Variants in ROBO1 observed in about 807,000 individuals in gnomAD.
The protein encoded by ROBO1 is roundabout guidance receptor 1.
ROBO1 carries 149 observed loss-of-function variants against 195.9 expected under a neutral mutation model. That is an observed-to-expected ratio of 0.76 (90% CI 0.67 to 0.87). ROBO1 has a LOEUF of 0.87. ROBO1 is among the 40% of genes least tolerant of loss of function. The pLI, the probability that ROBO1 is intolerant of heterozygous loss-of-function variation, is 0.00. For missense variants in ROBO1, 1,933 were observed against 2,068.3 expected (o/e 0.93, Z 1.27); for synonymous variants, 816 against 733.2 (o/e 1.11, Z -1.82).
intron 4 of ROBO1, among the ~76,000 whole-genome samples, chr3:78,775,986 C>T (rs1576141615): frequency 1.3e-5 from 2 of 152,196 alleles, no homozygotes; most frequent in East Asian, 3.9e-4. Flanking sequence ...ATGCATAGTT[C>T]TGTCCTTCTA....
intron 2 of ROBO1, among the ~76,000 whole-genome samples, chr3:79,467,918 A>G (rs750721604): frequency 3.9e-5 from 6 of 152,162 alleles, no homozygotes; most frequent in Non-Finnish European, 8.8e-5. Flanking sequence ...AGATGAACAG[A>G]TGAGTCACAC....
intron 4 of ROBO1, among the ~76,000 whole-genome samples, chr3:78,848,152 AGTTCAAACTG>A (rs2033792788): frequency 6.6e-6 from 1 of 152,192 alleles, no homozygotes; most frequent in South Asian, 2.1e-4. Flanking sequence ...GAAATATGTT[AGTTCAAACTG>A]GCCTATTAGC....
At chr3:79,030,010 G>A (rs988856036) in intron 3 of ROBO1, among the ~76,000 whole-genome samples, 2 of 152,176 alleles carry the variant, frequency 1.3e-5, no homozygotes, top group African/African-American at 4.8e-5. Flanking sequence ...ATTTTGTGTA[G>A]TATACTAAGT....
At chr3:78,966,052 G>T (rs2076637188) in intron 3 of ROBO1, among the ~76,000 whole-genome samples, 1 of 152,170 alleles carries the variant, frequency 6.6e-6, no homozygotes, top group Non-Finnish European at 1.5e-5. Context: ...TCTCCTGTCA[G>T]ATCAGTGGTG....
chr3:79,551,033 A>T (rs942095050), intron 2 of ROBO1, among the ~76,000 whole-genome samples: 1 of 152,120 alleles, frequency 6.6e-6, no homozygotes, highest in African/African-American at 2.4e-5. Context: ...TGCCCTTCCA[A>T]CATGGTATCA....
chr3:79,740,234 TAA>T (rs1373588896), intron 1 of ROBO1, among the ~76,000 whole-genome samples: 67 of 35,460 alleles, frequency 1.9e-3, no homozygotes, highest in Admixed American at 4.7e-3. Context: ...AATTTATATA[TAA>T]ATATATATAT....
intron 14 of ROBO1, among the ~76,000 whole-genome samples, chr3:78,664,927 C>A (rs1707644398): frequency 1.3e-5 from 2 of 152,108 alleles, no homozygotes; most frequent in African/African-American, 4.8e-5. Context: ...AAGATATGTG[C>A]CTCAATTTTA....
intron 1 of ROBO1, among the ~76,000 whole-genome samples, chr3:79,763,455 T>C (rs1559564847): frequency 1.3e-5 from 2 of 152,116 alleles, no homozygotes; most frequent in Non-Finnish European, 2.9e-5. Context: ...AGGGTTGGAA[T>C]AATAAGAAAA....
intron 2 of ROBO1, among the ~76,000 whole-genome samples, chr3:79,290,788 A>C (rs1185002591): frequency 6.6e-6 from 1 of 152,142 alleles, no homozygotes; most frequent in Non-Finnish European, 1.5e-5. Context: ...CTAGAACATT[A>C]TCTTGCCACC....
chr3:79,570,040 G>A (rs1375592626), intron 2 of ROBO1, among the ~76,000 whole-genome samples: 2 of 152,032 alleles, frequency 1.3e-5, no homozygotes, highest in Non-Finnish European at 2.9e-5. Context: ...GGTCAAGGCT[G>A]CAGTGAGCCA....
At chr3:78,607,062 T>C (rs1406632422) in intron 28 of ROBO1, 21 bp from the exon 29 acceptor site, 1 of 1,595,506 alleles carries the variant, frequency 6.3e-7, no homozygotes, top group Admixed American at 1.7e-5. Flanking sequence ...ACATTAAAAA[T>C]ACTACTGTAA....
intron 3 of ROBO1, among the ~76,000 whole-genome samples, chr3:78,971,483 A>T (rs1446761378): frequency 1.3e-5 from 2 of 152,118 alleles, no homozygotes; most frequent in African/African-American, 4.8e-5. Context: ...CCAGACTATA[A>T]CCTAAAAAAA....
chr3:78,697,063 C>CAA (rs1046102909), intron 8 of ROBO1, among the ~76,000 whole-genome samples: 3 of 151,748 alleles, frequency 2.0e-5, no homozygotes, highest in African/African-American at 7.3e-5. Flanking sequence ...CACACACACA[C>CAA]ACACACACAC....
intron 2 of ROBO1, among the ~76,000 whole-genome samples, chr3:79,386,818 C>T (rs1447081838): frequency 6.6e-6 from 1 of 151,866 alleles, no homozygotes; most frequent in Non-Finnish European, 1.5e-5. Context: ...AGTGGAGTAC[C>T]CACACTCTAC....
intron 2 of ROBO1, among the ~76,000 whole-genome samples, chr3:79,241,525 T>C (rs948333635): frequency 6.6e-5 from 10 of 152,048 alleles, no homozygotes; most frequent in Admixed American, 4.6e-4. Flanking sequence ...ATTAAATAAG[T>C]TAAAACATTG....
intron 2 of ROBO1, among the ~76,000 whole-genome samples, chr3:79,393,009 A>G (rs2037012550): frequency 6.6e-6 from 1 of 152,220 alleles, no homozygotes; most frequent in Non-Finnish European, 1.5e-5. Flanking sequence ...CCACTCTTCC[A>G]AATATACTTT....
At chr3:79,165,276 A>G (rs933748328) in intron 2 of ROBO1, among the ~76,000 whole-genome samples, 18 of 152,230 alleles carry the variant, frequency 1.2e-4, no homozygotes, top group Non-Finnish European at 2.6e-4. Flanking sequence ...TAGTGTTTGT[A>G]GTAGTTCTGT....
intron 4 of ROBO1, among the ~76,000 whole-genome samples, chr3:78,837,013 A>G (rs746385189): frequency 1.2e-4 from 19 of 152,314 alleles, no homozygotes; most frequent in Non-Finnish European, 2.5e-4. Context: ...GCCTAAACCT[A>G]AACACATTGT....
chr3:79,117,570 G>C (rs2080030241), intron 3 of ROBO1, among the ~76,000 whole-genome samples: 1 of 152,060 alleles, frequency 6.6e-6, no homozygotes. Flanking sequence ...CCATTTCTTT[G>C]CCTGGGAACA....
Sources: gnomAD v4.1 joint callset for allele counts (sites outside exome capture counted in the v4.1 genomes callset) on GRCh38, gnomAD v4.1.1 for gene constraint, MANE v1.5 for transcripts, NCBI Gene and HGNC (gene_info 2026-07-23, HGNC 2026-07-21) for gene names.